MKX: variants seen among roughly 807,000 people sequenced by gnomAD.
The protein encoded by MKX is homeobox protein Mohawk.
In MKX, 13 loss-of-function variants were observed where a neutral mutation model predicts 36.0. The observed-to-expected ratio is 0.36, with a 90% CI of 0.24 to 0.57. The LOEUF (loss-of-function observed/expected upper bound fraction) is 0.57, where lower values mean the gene tolerates loss of function less well. Ranked by LOEUF, MKX falls within the 20% of genes least tolerant of loss-of-function variation. The pLI is 0.79. For missense variants in MKX, 458 were observed against 456.4 expected (o/e 1.00, Z -0.03); for synonymous variants, 176 against 178.3 (o/e 0.99, Z 0.10).
At position 27,741,293 on chromosome 10, in the gene MKX, T is replaced by C; in HGVS notation, c.348+52A>G. The C allele has an allele frequency of 6.2e-7, 1 of 1,601,460 alleles. No homozygotes were observed. The highest frequency in any genetic ancestry group is 8.5e-7 in the Non-Finnish European group (1 of 1,174,450). ...CCACACGAACTCTAAGCGTTCCCGC[T>C]CTTCAGCCCCTCGCGGGAAAACGGA... On this transcript the variant is annotated intron_variant, in intron 3 of 6. Transcript: ENST00000419761. The surrounding 1 kb of genome is among the most constrained non-coding windows in gnomAD (Gnocchi z 5.1).
chr10:27,723,818 C>T (rs780085721), intron 5 of MKX, among the ~76,000 whole-genome samples: 6 of 152,266 alleles, frequency 3.9e-5, no homozygotes, highest in East Asian at 1.9e-4. Flanking sequence ...TCATGACTGT[C>T]TTGGCAGAAC....
chr10:27,680,688 A>G (rs1836239194), intron 5 of MKX, among the ~76,000 whole-genome samples: 1 of 152,236 alleles, frequency 6.6e-6, no homozygotes, highest in African/African-American at 2.4e-5. Flanking sequence ...AAATTTAATA[A>G]ATAAGCTGTA....
chr10:27,675,263 T>A lies in MKX; in HGVS notation c.1025A>T (p.Lys342Met). ...IQKSSHIAEV[K>M]TVKVPLVQQF ...CTGCACCAGCGGCACTTTGACAGTC[T>A]TTACTTCTGCTATATGGGACGACTT... The change falls in exon 7 of 7, where the codon AAG becomes ATG. Residue 342 changes from lysine to methionine, a missense_variant. This residue lies in a region of MKX where 297 missense variants were observed against 304.4 expected (regional missense o/e 0.98). Transcript: ENST00000419761. 6.2e-7 allele frequency: 1 copy of A among 1,614,116 alleles called. No individual in the cohort carries two copies.
chr10:27,722,494 A>G (rs1000188506), intron 5 of MKX, among the ~76,000 whole-genome samples: 3 of 152,186 alleles, frequency 2.0e-5, no homozygotes, highest in African/African-American at 7.2e-5. Context: ...TTTTACAGCT[A>G]AAGGAACGAA....
rs141160271 is a variant in MKX at position 27,741,350 on chromosome 10, C to T, written c.343G>A (p.Val115Met). Residue 115 changes from valine to methionine, a missense_variant, in exon 3 of 7, where the codon GTG becomes ATG. Coordinates refer to ENST00000419761, the MANE Select transcript of MKX (RefSeq NM_173576.3). This position sits in a 1 kb window ranked among gnomAD's most constrained non-coding sequence, Gnocchi z 5.1. Reference protein sequence around the residue: ...LLALGSQMTLVQVSNWFANAR... With the variant: ...LLALGSQMTLMQVSNWFANAR... Reference sequence around the variant, plus strand: ...TGTTAATGGGTCCTGATTACCTGCACTAGCGTCATCTGCGAGCCGAGGGCC... The same window carrying T: ...TGTTAATGGGTCCTGATTACCTGCATTAGCGTCATCTGCGAGCCGAGGGCC... The T allele has an allele frequency of 6.2e-7, 1 of 1,613,018 alleles. No individual in the cohort carries two copies. The highest frequency in any genetic ancestry group is 8.5e-7 in the Non-Finnish European group (1 of 1,179,586).
rs199806590 is a variant in MKX, at chr10:27,741,526, C to A, written c.189-22G>T. 2.6e-6 allele frequency: 4 copies of A among 1,562,982 alleles called. No individual in the cohort carries two copies. In the South Asian group the frequency reaches 3.5e-5, roughly 14 times the overall value. On this transcript the variant is annotated intron_variant, in intron 2 of 6. Transcript: ENST00000419761. The surrounding 1 kb of genome is among the most constrained non-coding windows in gnomAD (Gnocchi z 5.1). ...GGCGCTGGGACATGGGGAGAGGAGG[C>A]GGCCCTGGTGAGCGACGCGTTTGCC...
rs892517848 is a variant in MKX at position 27,741,618 on chromosome 10, G to A, written c.189-114C>T. On this transcript the variant is annotated intron_variant, in intron 2 of 6. Coordinates refer to ENST00000419761, the MANE Select transcript of MKX (RefSeq NM_173576.3). The surrounding 1 kb of genome is among the most constrained non-coding windows in gnomAD (Gnocchi z 5.1). ...TCCAAACTGCGCATTCCTGCCTTGCGCCCCTGCTTTGCGCGCGCCCAGAGT... is the reference window on the plus strand; with the variant it reads ...TCCAAACTGCGCATTCCTGCCTTGCACCCCTGCTTTGCGCGCGCCCAGAGT... 2.4e-6 allele frequency: 3 copies of A among 1,263,628 alleles called. No individual in the cohort carries two copies. Among genetic ancestry groups the A allele is most frequent in the Admixed American group, 3.0e-5 (1 of 33,888 alleles). The allele number at this position is 1,263,628 out of a possible 1,614,324, so 78.3% of individuals were successfully genotyped here. A position where few individuals can be genotyped will look rare whatever the true frequency, so the allele number is the denominator to read the frequency against.
rs34439626 is a variant in MKX, at chr10:27,743,297, C to T, written c.119G>A (p.Arg40His). Reference protein sequence around the residue: ...YSGVLDSPHARPEVGIPDGPP... With the variant: ...YSGVLDSPHAHPEVGIPDGPP... ...GCCGTCGGGAATGCCCACCTCGGGG[C>T]GGGCGTGAGGACTGTCCAGGACACC... Residue 40 changes from arginine to histidine, a missense_variant, in exon 2 of 7, where the codon CGC becomes CAC. By Grantham distance (29) the Arg-to-His change is conservative. Around this residue, in one of 3 missense-constraint regions of MKX, gnomAD observed 149 missense variants for 114.3 expected, o/e 1.30. Transcript: ENST00000419761. The T allele has an allele frequency of 4.1e-3, 6,341 of 1,553,150 alleles. 240 individuals are homozygous for T. The African/African-American group carries it at 0.076, about 19-fold the overall frequency.
intron 5 of MKX, among the ~76,000 whole-genome samples, chr10:27,688,373 A>C (rs1037627019): frequency 6.6e-6 from 1 of 152,264 alleles, no homozygotes; most frequent in Non-Finnish European, 1.5e-5. Context: ...TAATGGATTA[A>C]GTGTGCAGAA....
In MKX at chr10:27,743,423, G is replaced by A. The variant is rs746682582; in HGVS notation, c.-8C>T. On this transcript the variant is annotated 5_prime_UTR_variant, in exon 2 of 7. Transcript: ENST00000419761. ...GAAGACGATGGTGTTCATGGTGTCG[G>A]TTGGTAGGGACGCGCGGCGCGGCCG... is the stretch of plus-strand genomic sequence containing the variant. The A allele has an allele frequency of 1.1e-5, 17 of 1,540,902 alleles. No individual in the cohort carries two copies. The South Asian group carries it at 1.9e-4, about 17-fold the overall frequency.
At chr10:27,718,459 A>G (rs887921348) in intron 5 of MKX, 6 of 241,284 alleles carry the variant, frequency 2.5e-5, no homozygotes, top group Middle Eastern at 5.0e-4. Context: ...AGCAATATGA[A>G]GCATATGATA....
At chr10:27,735,753 T>C (rs1249542983) in intron 3 of MKX, among the ~76,000 whole-genome samples, 1 of 152,172 alleles carries the variant, frequency 6.6e-6, no homozygotes, top group South Asian at 2.1e-4. Flanking sequence ...CATATATGAC[T>C]CCAGCCTTTT....
chr10:27,718,560 TC>T, intron 5 of MKX: 1 of 441,284 alleles, frequency 2.3e-6, no homozygotes, highest in Non-Finnish European at 4.5e-6. Flanking sequence ...CTTTAAAAAA[TC>T]CCAGGAGTCC....
chr10:27,727,973 C>A (rs898789830), intron 5 of MKX, among the ~76,000 whole-genome samples: 2 of 152,118 alleles, frequency 1.3e-5, no homozygotes, highest in Non-Finnish European at 2.9e-5. Flanking sequence ...TGTGAAATAC[C>A]TCATTCCCAG....
chr10:27,731,577 G>A (rs1414416687), intron 5 of MKX, among the ~76,000 whole-genome samples: 2 of 151,808 alleles, frequency 1.3e-5, no homozygotes, highest in Non-Finnish European at 2.9e-5. Context: ...CATTTAGTCT[G>A]CCCTTTTTAA....
In MKX at chr10:27,743,324, C is replaced by A. The variant is rs771555463; in HGVS notation, c.92G>T (p.Ser31Ile). The change falls in exon 2 of 7, where the codon AGC becomes ATC. Residue 31 changes from serine (S) to isoleucine (I), a missense_variant. By Grantham distance (142) the Ser-to-Ile change is moderately radical (BLOSUM62 -2). This residue lies in a region of MKX where 149 missense variants were observed against 114.3 expected (regional missense o/e 1.30). Transcript: ENST00000419761. ...SERERGGRPY[S>I]GVLDSPHARP... is the part of the protein sequence containing the mutation. ...GGCGTGAGGACTGTCCAGGACACCG[C>A]TGTAGGGCCGGCCACCCCGCTCCCG... 7 of 1,586,032 alleles carry A rather than the reference C, an allele frequency of 4.4e-6. No individual in the cohort carries two copies. The highest frequency in any genetic ancestry group is 6.0e-6 in the Non-Finnish European group (7 of 1,168,824).
At chr10:27,680,196 C>T (rs1024579952) in intron 5 of MKX, among the ~76,000 whole-genome samples, 2 of 152,166 alleles carry the variant, frequency 1.3e-5, no homozygotes, top group South Asian at 4.1e-4. Flanking sequence ...ATCTCTTACT[C>T]TGCAAGTAGC....
chr10:27,743,417 G>T lies in MKX; in HGVS notation c.-2C>A. 1 of 1,548,132 alleles carries T rather than the reference G, an allele frequency of 6.5e-7. No individual in the cohort carries two copies. On this transcript the variant is annotated 5_prime_UTR_variant, in exon 2 of 7. Coordinates refer to ENST00000419761, the MANE Select transcript of MKX (RefSeq NM_173576.3). Reference sequence around the variant, plus strand: ...CTTGTTGAAGACGATGGTGTTCATGGTGTCGGTTGGTAGGGACGCGCGGCG... The same window carrying T: ...CTTGTTGAAGACGATGGTGTTCATGTTGTCGGTTGGTAGGGACGCGCGGCG...
intron 5 of MKX, among the ~76,000 whole-genome samples, chr10:27,703,263 C>T (rs1836692254): frequency 6.6e-6 from 1 of 152,186 alleles, no homozygotes; most frequent in African/African-American, 2.4e-5. Context: ...ATATTGGAAC[C>T]TTGAAACAGC....
Sources: gnomAD v4.1 joint callset for allele counts (sites outside exome capture counted in the v4.1 genomes callset) on GRCh38, gnomAD v4.1.1 for gene constraint, gnomAD v4.1.1 regional missense constraint, Gnocchi (gnomAD v3.1) non-coding constraint, MANE v1.5 for transcripts, NCBI Gene and HGNC (gene_info 2026-07-23, HGNC 2026-07-21) for gene names.